Variants in CC2D1B observed in about 807,000 individuals in gnomAD.
CC2D1B encodes the protein coiled-coil and C2 domain containing 1B.
Under a neutral mutation model 110.8 loss-of-function variants are expected in CC2D1B, and 92 were observed. That is an observed-to-expected ratio of 0.83 (90% CI 0.70 to 0.99). CC2D1B has a LOEUF of 0.99. Ranked by LOEUF, CC2D1B falls within the 50% of genes least tolerant of loss-of-function variation. The pLI, the probability that CC2D1B is intolerant of heterozygous loss-of-function variation, is 0.00. For synonymous variants in CC2D1B, 406 were observed against 429.2 expected (o/e 0.95, Z 0.67); for missense variants, 1,136 against 1,089.0 (o/e 1.04, Z -0.61).
At position 52,364,649 on chromosome 1, in the gene CC2D1B, C is replaced by A; in HGVS notation, c.-14-15G>T. 1 of 1,573,338 alleles carries A rather than the reference C, an allele frequency of 6.4e-7. No individual in the cohort carries two copies. The highest frequency in any genetic ancestry group is 8.7e-7 in the Non-Finnish European group (1 of 1,146,400). On this transcript the variant is annotated splice_polypyrimidine_tract_variant and intron_variant, in intron 1 of 24. Transcript: ENST00000284376. Reference sequence around the variant, plus strand: ...AGCCTAGATACCTATGGAAGAGTTACAGAGATTCAGGCTGGAGTAGCCCAT... The same window carrying A: ...AGCCTAGATACCTATGGAAGAGTTAAAGAGATTCAGGCTGGAGTAGCCCAT...
At position 52,353,138 on chromosome 1, in the gene CC2D1B, TACAAAGGCTTCTGAAGCCA is replaced by T. The variant is rs1432241241; in HGVS notation, c.*68_*86del. Reference sequence around the variant, plus strand: ...TGCTTGGGTAGCAGCATCTCTTATGTACAAAGGCTTCTGAAGCCAGCAAAGCTGGGAAAGTCATCTCCTG... The same window carrying T: ...TGCTTGGGTAGCAGCATCTCTTATGTGCAAAGCTGGGAAAGTCATCTCCTG... On this transcript the variant is annotated 3_prime_UTR_variant, in exon 25 of 25. Transcript: ENST00000284376. 1.6e-6 allele frequency: 2 copies of T among 1,268,036 alleles called. No homozygotes were observed. Among genetic ancestry groups the T allele is most frequent in the African/African-American group, 3.1e-5 (2 of 65,198 alleles). 78.5% of individuals were successfully genotyped at this position (1,268,036 alleles called of 1,614,324 possible). A position where few individuals can be genotyped will look rare whatever the true frequency, so the allele number is the denominator to read the frequency against.
At position 52,352,470 on chromosome 1, in the gene CC2D1B, A is replaced by G. The variant is rs182714890; in HGVS notation, c.*755T>C. On this transcript the variant is annotated 3_prime_UTR_variant, in exon 25 of 25. Coordinates refer to ENST00000284376, the MANE Select transcript of CC2D1B (RefSeq NM_001330585.2). ...ATTAGGACTTTGGTGGATACTCTGT[A>G]TAGTTGAGTATAAAATCCCTACAAT... 1.4e-3 allele frequency: 214 copies of G among 152,772 alleles called. 1 individual carries two copies. The highest frequency in any genetic ancestry group is 4.9e-3 in the African/African-American group (203 of 41,584). 9.5% of individuals were successfully genotyped at this position (152,772 alleles called of 1,614,324 possible).
intron 20 of CC2D1B, 44 bp from the exon 21 acceptor site, chr1:52,355,493 G>A: frequency 6.2e-7 from 1 of 1,612,608 alleles, no homozygotes; most frequent in South Asian, 1.1e-5. Flanking sequence ...TATAAACAAA[G>A]AGGCACACAG....
chr1:52,353,718 C>G (rs528222929), intron 23 of CC2D1B, 71 bp from the exon 24 acceptor site: 2 of 1,176,764 alleles, frequency 1.7e-6, no homozygotes, highest in Non-Finnish European at 2.4e-6. Context: ...TCCCTACATT[C>G]CCAGGAAAGA....
Position 52,353,587 on chromosome 1 carries a change from G to C in CC2D1B, c.2491C>G (p.Pro831Ala). ...ATCTGCACATCCTGGCCACTCAGAG[G>C]CTCCCGCAGCCTCACCTTCACCTCC... is the stretch of plus-strand genomic sequence containing the variant. The part of the protein sequence containing the change: ...KLEVKVRLRE[P>A]LSGQDVQMVT... Residue 831 changes from proline to alanine, a missense_variant, in exon 24 of 25, where the codon CCT (proline) becomes GCT (alanine). Pro to Ala is a conservative substitution (Grantham distance 27). Coordinates refer to ENST00000284376, the MANE Select transcript of CC2D1B (RefSeq NM_001330585.2). 1 of 1,613,642 alleles carries C rather than the reference G, an allele frequency of 6.2e-7. No homozygotes were observed. The highest frequency in any genetic ancestry group is 8.5e-7 in the Non-Finnish European group (1 of 1,179,798).
intron 22 of CC2D1B, 48 bp downstream of exon 22, chr1:52,354,792 C>T (rs1258045902): frequency 1.9e-6 from 3 of 1,603,112 alleles, no homozygotes; most frequent in South Asian, 1.1e-5. Flanking sequence ...GACAAACGCT[C>T]TTCCCTCCTC....
intron 23 of CC2D1B, 100 bp downstream of exon 23, chr1:52,354,508 T>A (rs1427961184): frequency 3.1e-6 from 3 of 976,718 alleles, no homozygotes; most frequent in Non-Finnish European, 5.0e-6. Flanking sequence ...AATTTCAAAT[T>A]AAGTAATGAG....
chr1:52,356,561 A>G (rs1646657346), intron 16 of CC2D1B, 119 bp from the exon 17 acceptor site: 2 of 1,035,634 alleles, frequency 1.9e-6, no homozygotes, highest in Admixed American at 3.8e-5. Flanking sequence ...CTCTCCTCCC[A>G]CAACACAGCC....
chr1:52,358,513 C>T, intron 12 of CC2D1B, 52 bp from the exon 13 acceptor site: 1 of 1,610,362 alleles, frequency 6.2e-7, no homozygotes, highest in Non-Finnish European at 8.5e-7. Context: ...CAGAGAAGCA[C>T]AAAGCTACCC....
rs753708656 is a variant in CC2D1B at position 52,358,712 on chromosome 1, T to C, written c.1304A>G (p.Asn435Ser). ...IRAHRAGRKV[N>S]FAELPVPPGF... is the part of the protein sequence containing the mutation. ...TGGAGGAACAGGCAATTCAGCAAAG[T>C]TGACTTTCCGTCCTGCTCGGTGTGC... The change falls in exon 12 of 25, where the codon AAC becomes AGC. Residue 435 changes from asparagine (N) to serine (S), a missense_variant. Transcript: ENST00000284376. 4.3e-6 allele frequency: 7 copies of C among 1,613,356 alleles called. No individual in the cohort carries two copies. The highest frequency in any genetic ancestry group is 5.9e-6 in the Non-Finnish European group (7 of 1,179,800).
chr1:52,364,755 A>G, intron 1 of CC2D1B, 121 bp from the exon 2 acceptor site: 2 of 539,760 alleles, frequency 3.7e-6, no homozygotes, highest in Non-Finnish European at 6.6e-6. Flanking sequence ...ACACCAAAGT[A>G]TGGGTTACCT....
In CC2D1B at chr1:52,353,299, GAAGA is replaced by G; in HGVS notation, c.*2-80_*2-77del. ...ACAAAGATTTTAGAAAGGGTTTCCT[GAAGA>G]TAGATAGATAGATAGATAGTTAAAC... On this transcript the variant is annotated intron_variant, in intron 24 of 24. Transcript: ENST00000284376. 3 of 1,474,092 alleles carry G rather than the reference GAAGA, an allele frequency of 2.0e-6. No homozygotes were observed. In the South Asian group the frequency reaches 3.9e-5, roughly 19 times the overall value. 91.3% of individuals were successfully genotyped at this position (1,474,092 alleles called of 1,614,324 possible).
Position 52,356,275 on chromosome 1 carries a change from C to T in CC2D1B, c.1965G>A (p.Lys655=), listed in dbSNP as rs1360161409. ...CCAGCTGCAGGATCTCCAGCTGTTT[C>T]TTGCGGTCCTGAGCAAGCTTCTCAA... The part of the protein sequence containing the change: ...TRFEKLAQDR[K]KQLEILQLAQ... Residue 655 remains lysine, a synonymous_variant, in exon 18 of 25, where the codon AAG becomes AAA. Transcript: ENST00000284376. 1 of 1,614,076 alleles carries T rather than the reference C, an allele frequency of 6.2e-7. No individual in the cohort carries two copies. The highest frequency in any genetic ancestry group is 8.5e-7 in the Non-Finnish European group (1 of 1,180,032).
chr1:52,356,026 C>T (rs1054324131), intron 18 of CC2D1B, among the ~76,000 whole-genome samples, 160 bp downstream of exon 18: 1 of 152,176 alleles, frequency 6.6e-6, no homozygotes, highest in Non-Finnish European at 1.5e-5. Context: ...GACAGCTGTG[C>T]GCTCTCCACT....
At position 52,359,715 on chromosome 1, in the gene CC2D1B, C is replaced by T; in HGVS notation, c.932G>A (p.Arg311Lys). 6.2e-7 allele frequency: 1 copy of T among 1,602,196 alleles called. No individual in the cohort carries two copies. Among genetic ancestry groups the T allele is most frequent in the Non-Finnish European group, 8.5e-7 (1 of 1,174,480 alleles). Reference sequence around the variant, plus strand: ...AGCCAGATGCCATACCTTCCCAATCCTCATGAGCTCTCGGGCACGGTCTAG... The same window carrying T: ...AGCCAGATGCCATACCTTCCCAATCTTCATGAGCTCTCGGGCACGGTCTAG... Reference protein sequence around the residue: ...GELDRARELMRIGKRFGAVLE... With the variant: ...GELDRARELMKIGKRFGAVLE... Residue 311 changes from arginine (R) to lysine (K), a missense_variant, in exon 8 of 25, where the codon AGG becomes AAG. Physicochemically the swap from Arg to Lys is conservative, Grantham distance 26 (BLOSUM62 2). Transcript: ENST00000284376.
intron 24 of CC2D1B, 34 bp downstream of exon 24, chr1:52,353,484 G>C: frequency 1.3e-6 from 2 of 1,584,180 alleles, no homozygotes; most frequent in Non-Finnish European, 1.7e-6. Flanking sequence ...AAAAGGAGGG[G>C]GCAAAGGTTC....
intron 8 of CC2D1B, 42 bp from the exon 9 acceptor site, chr1:52,359,576 AC>A (rs781494513): frequency 6.2e-7 from 1 of 1,603,508 alleles, no homozygotes; most frequent in South Asian, 1.1e-5. Flanking sequence ...AAGACAGGGG[AC>A]CCCAAGAGCC....
chr1:52,358,318 C>CCCT lies in CC2D1B; in HGVS notation c.1461+10_1461+12dup. ...TCTCCCCACCAGCCCTGGAGTTGAGCCCTCAACCAAACCTCGTCCTCGTCT... is the reference window on the plus strand; with the variant it reads ...TCTCCCCACCAGCCCTGGAGTTGAGCCCTCCTCAACCAAACCTCGTCCTCGTCT... On this transcript the variant is annotated intron_variant, in intron 13 of 24. Transcript: ENST00000284376. 2 of 1,611,268 alleles carry CCCT rather than the reference C, an allele frequency of 1.2e-6. No homozygotes were observed. Among genetic ancestry groups the CCCT allele is most frequent in the Non-Finnish European group, 1.7e-6 (2 of 1,178,290 alleles).
intron 2 of CC2D1B, among the ~76,000 whole-genome samples, chr1:52,363,377 AC>A (rs1646823663): frequency 6.7e-6 from 1 of 149,124 alleles, no homozygotes; most frequent in Non-Finnish European, 1.5e-5. Flanking sequence ...CCTGGGCGAC[AC>A]AGCGAGACTC....
Sources: allele counts gnomAD v4.1 joint callset (sites outside exome capture counted in the v4.1 genomes callset), GRCh38; gene constraint gnomAD v4.1.1; transcripts MANE v1.5; gene names NCBI Gene and HGNC (gene_info 2026-07-23, HGNC 2026-07-21).